The following PLXNA2 variants were observed in gnomAD, a reference collection of about 807,000 sequenced individuals.
PLXNA2 encodes plexin-A2.
In PLXNA2, 91 loss-of-function variants were observed where a neutral mutation model predicts 193.5. The ratio of observed to expected loss-of-function variants is 0.47; its 90% CI spans 0.40 to 0.56. The LOEUF (loss-of-function observed/expected upper bound fraction) is 0.56, where lower values mean the gene tolerates loss of function less well. PLXNA2 is among the 20% of genes least tolerant of loss of function. The pLI, the probability that PLXNA2 is intolerant of heterozygous loss-of-function variation, is 0.00. For missense variants in PLXNA2, 1,995 were observed against 2,503.2 expected (o/e 0.80, Z 4.33); for synonymous variants, 997 against 1,027.3 (o/e 0.97, Z 0.56).
intron 4 of PLXNA2, among the ~76,000 whole-genome samples, chr1:208,119,219 C>A (rs138176968): frequency 6.6e-6 from 1 of 152,224 alleles, no homozygotes; most frequent in Non-Finnish European, 1.5e-5. Context: ...TGGAGGAGGT[C>A]AGCCAGGGGC....
At chr1:208,224,936 A>T (rs1671465674) in intron 1 of PLXNA2, among the ~76,000 whole-genome samples, 1 of 152,222 alleles carries the variant, frequency 6.6e-6, no homozygotes, top group Non-Finnish European at 1.5e-5. Context: ...TCCACGCTCC[A>T]ATAACCAAGG....
chr1:208,046,954 A>G (rs1051837344), intron 17 of PLXNA2, among the ~76,000 whole-genome samples: 4 of 151,514 alleles, frequency 2.6e-5, no homozygotes, highest in African/African-American at 9.7e-5. Flanking sequence ...CAACTCTCTA[A>G]ATGTTTTTTG....
chr1:208,240,481 C>T (rs988782338), intron 1 of PLXNA2, among the ~76,000 whole-genome samples: 1 of 152,008 alleles, frequency 6.6e-6, no homozygotes, highest in African/African-American at 2.4e-5. Flanking sequence ...ATCTTTGTAA[C>T]GAAGTGAAAA....
Position 208,045,083 on chromosome 1 carries a change from C to T in PLXNA2, c.3623G>A (p.Gly1208Glu). Residue 1208 changes from glycine (G) to glutamate (E), a missense_variant, in exon 19 of 32, where the codon GGG (glycine) becomes GAG (glutamate). Around this residue, in one of 3 missense-constraint regions of PLXNA2, gnomAD observed 1,291 missense variants for 1,673.6 expected, o/e 0.77. Transcript: ENST00000367033. ...CTCACTCACCATGACCTTGTGCTGC[C>T]CGGTGAGGTTGGGAGGCTCGCAGAG... is the stretch of plus-strand genomic sequence containing the variant. ...QLLCEPPNLT[G>E]QHKVMVHVGG... The T allele has an allele frequency of 6.2e-7, 1 of 1,613,980 alleles. No homozygotes were observed. The highest frequency in any genetic ancestry group is 8.5e-7 in the Non-Finnish European group (1 of 1,179,994).
chr1:208,135,327 A>T (rs1340445964), intron 4 of PLXNA2, among the ~76,000 whole-genome samples: 3 of 152,208 alleles, frequency 2.0e-5, no homozygotes, highest in Non-Finnish European at 2.9e-5. Context: ...CCTGTAATCC[A>T]TGGGGATGAG....
Position 208,082,408 on chromosome 1 carries a change from T to G in PLXNA2, c.2395+4A>C. On this transcript the variant is annotated splice_donor_region_variant and intron_variant, in intron 11 of 31. Coordinates refer to ENST00000367033, the MANE Select transcript of PLXNA2 (RefSeq NM_025179.4). The surrounding 1 kb of genome is among the most constrained non-coding windows in gnomAD (Gnocchi z 4.2). ...CAAACTTCTACCCGGAAGTAGCCGC[T>G]TACCTTTCAGGTCCTGAGGGTTGTC... The G allele has an allele frequency of 6.2e-7, 1 of 1,613,064 alleles. No homozygotes were observed. The highest frequency in any genetic ancestry group is 8.5e-7 in the Non-Finnish European group (1 of 1,179,110).
At chr1:208,079,116 G>A (rs1306052785) in intron 12 of PLXNA2, 144 bp downstream of exon 12, 7 of 656,718 alleles carry the variant, frequency 1.1e-5, no homozygotes, top group African/African-American at 1.8e-5. Context: ...TAAGACACAC[G>A]CGAGAGGTTT....
chr1:208,232,951 G>A (rs1051721839), intron 1 of PLXNA2, among the ~76,000 whole-genome samples: 1 of 152,188 alleles, frequency 6.6e-6, no homozygotes, highest in Non-Finnish European at 1.5e-5. Flanking sequence ...AGAAGATTTA[G>A]GGTGGGTGGA....
chr1:208,186,038 A>T (rs1669988070), intron 3 of PLXNA2, among the ~76,000 whole-genome samples: 1 of 152,196 alleles, frequency 6.6e-6, no homozygotes, highest in African/African-American at 2.4e-5. Flanking sequence ...AGGTGGGGAA[A>T]GCATCCCCAT....
intron 1 of PLXNA2, among the ~76,000 whole-genome samples, chr1:208,242,757 G>A (rs532441256): frequency 6.6e-6 from 1 of 152,196 alleles, no homozygotes; most frequent in Admixed American, 6.5e-5. Flanking sequence ...GACTTTTTTC[G>A]GGGATCTAAA....
At chr1:208,134,188 T>C (rs1668238697) in intron 4 of PLXNA2, among the ~76,000 whole-genome samples, 1 of 152,188 alleles carries the variant, frequency 6.6e-6, no homozygotes, top group African/African-American at 2.4e-5. Flanking sequence ...GTCTGATTAA[T>C]AGGGTGGGTT....
rs11579035 is a variant in PLXNA2, at chr1:208,023,783, G to A, written c.*3460C>T. 0.21 allele frequency: 31,984 copies of A among 152,188 alleles called. 3,569 individuals carry two copies. The highest frequency in any genetic ancestry group is 0.32 in the East Asian group (1,661 of 5,162). The allele number at this position is 152,188 out of a possible 1,614,324, so 9.4% of individuals were successfully genotyped here. On this transcript the variant is annotated 3_prime_UTR_variant, in exon 32 of 32. Coordinates refer to ENST00000367033, the MANE Select transcript of PLXNA2 (RefSeq NM_025179.4). ...GGAAGAAAGACCTTGGTTTTGTTCC[G>A]TGCTGTTTTCCCATCTCTAGAGCAG...
At chr1:208,099,872 G>A (rs868195937) in intron 5 of PLXNA2, among the ~76,000 whole-genome samples, 1 of 152,064 alleles carries the variant, frequency 6.6e-6, no homozygotes, top group Non-Finnish European at 1.5e-5. Flanking sequence ...CCTGGCCCTA[G>A]AATGACTCTT....
chr1:208,039,454 G>A (rs112996191), intron 24 of PLXNA2, among the ~76,000 whole-genome samples, 167 bp downstream of exon 24: 2,069 of 152,164 alleles, frequency 0.014, 52 homozygotes, highest in African/African-American at 0.047. Context: ...ATGGGTGGGC[G>A]GGCCTGCCAC....
intron 3 of PLXNA2, among the ~76,000 whole-genome samples, chr1:208,191,979 G>A (rs547027979): frequency 2.6e-5 from 4 of 152,266 alleles, no homozygotes; most frequent in Non-Finnish European, 5.9e-5. Context: ...TCCCTGAGTG[G>A]ACTCCCTCCC....
intron 12 of PLXNA2, among the ~76,000 whole-genome samples, chr1:208,073,515 A>AT (rs1194740202): frequency 6.6e-6 from 1 of 152,214 alleles, no homozygotes; most frequent in Non-Finnish European, 1.5e-5. Context: ...AGTTCATGGC[A>AT]TACAGTAGTC....
At chr1:208,091,965 G>A (rs748746010) in intron 9 of PLXNA2, among the ~76,000 whole-genome samples, 2 of 151,904 alleles carry the variant, frequency 1.3e-5, no homozygotes, top group Non-Finnish European at 2.9e-5. Context: ...AGAAATATGT[G>A]TATATGCACA....
chr1:208,092,534 A>G (rs956619767), intron 9 of PLXNA2, among the ~76,000 whole-genome samples: 7 of 152,252 alleles, frequency 4.6e-5, no homozygotes, highest in Non-Finnish European at 1.0e-4. Flanking sequence ...CTCAACCCCC[A>G]GTTACCTTCA....
chr1:208,244,298 C>T lies in PLXNA2; in HGVS notation c.-736G>A, dbSNP rs1204722032. 3.0e-5 allele frequency: 4 copies of T among 132,516 alleles called. No homozygotes were observed. The highest frequency in any genetic ancestry group is 5.0e-5 in the Non-Finnish European group (4 of 79,464). 8.2% of individuals were successfully genotyped at this position (132,516 alleles called of 1,614,324 possible). Reference sequence around the variant, plus strand: ...CCGCTCCTCCCGGCAGCTCTGGCTCCCGCGGTGGCGGCGGCGGCGGCGGCG... The same window carrying T: ...CCGCTCCTCCCGGCAGCTCTGGCTCTCGCGGTGGCGGCGGCGGCGGCGGCG... On this transcript the variant is annotated 5_prime_UTR_variant, in exon 1 of 32. Coordinates refer to ENST00000367033, the MANE Select transcript of PLXNA2 (RefSeq NM_025179.4).
Sources: gnomAD v4.1 joint callset for allele counts (sites outside exome capture counted in the v4.1 genomes callset) on GRCh38, gnomAD v4.1.1 for gene constraint, gnomAD v4.1.1 regional missense constraint, Gnocchi (gnomAD v3.1) non-coding constraint, MANE v1.5 for transcripts, NCBI Gene and HGNC (gene_info 2026-07-23, HGNC 2026-07-21) for gene names.